Variants in SNTG1 observed in about 807,000 individuals in gnomAD.
The protein encoded by SNTG1 is gamma-1-syntrophin.
A neutral mutation model predicts 74.7 loss-of-function variants in SNTG1; 39 were observed. That is an observed-to-expected ratio of 0.52 (90% CI 0.40 to 0.68). SNTG1 has a LOEUF of 0.68. Among genes scored for constraint, SNTG1 ranks in the 30% least tolerant of loss-of-function variants. The pLI is 0.00. For missense variants in SNTG1, 685 were observed against 609.5 expected, an observed-to-expected ratio of 1.12 and a Z score of -1.30; for synonymous variants, 254 against 217.1, an observed-to-expected ratio of 1.17 and a Z score of -1.49.
At chr8:50,777,059 A>G (rs913100978) in intron 18 of SNTG1, among the ~76,000 whole-genome samples, 1 of 151,546 alleles carries the variant, frequency 6.6e-6, no homozygotes, top group African/African-American at 2.4e-5. Context: ...CTTGGCAAGG[A>G]TTTCTTTGAG....
intron 18 of SNTG1, among the ~76,000 whole-genome samples, chr8:50,777,427 A>G (rs2095644128): frequency 6.7e-6 from 1 of 149,976 alleles, no homozygotes; most frequent in South Asian, 2.1e-4. Flanking sequence ...TATTTCTGTT[A>G]TTATATTTAT....
At chr8:49,924,683 T>C (rs1358892604) in intron 1 of SNTG1, among the ~76,000 whole-genome samples, 1 of 151,976 alleles carries the variant, frequency 6.6e-6, no homozygotes, top group Non-Finnish European at 1.5e-5. Flanking sequence ...TTCATGATGA[T>C]ACTCCAAAAA....
intron 1 of SNTG1, chr8:50,011,642 C>CT (rs1815811230): frequency 6.6e-6 from 1 of 150,802 alleles, no homozygotes; most frequent in Non-Finnish European, 1.5e-5. Flanking sequence ...AAAAAAAGAT[C>CT]TTTTGAGCCT....
intron 15 of SNTG1, among the ~76,000 whole-genome samples, chr8:50,693,580 A>T (rs1185794365): frequency 6.6e-6 from 1 of 152,196 alleles, no homozygotes; most frequent in Non-Finnish European, 1.5e-5. Flanking sequence ...TAATAAGGAA[A>T]TACTGGATTT....
chr8:50,349,953 G>C (rs112252065), intron 2 of SNTG1, among the ~76,000 whole-genome samples: 1 of 152,204 alleles, frequency 6.6e-6, no homozygotes, highest in East Asian at 1.9e-4. Context: ...GCTGCACCGC[G>C]TGCTTATGGG....
intron 2 of SNTG1, among the ~76,000 whole-genome samples, chr8:50,202,033 G>A (rs758562111): frequency 1.9e-4 from 29 of 152,204 alleles, no homozygotes; most frequent in South Asian, 4.1e-4. Context: ...CTTATGTGCC[G>A]TTCTTTTTGC....
At position 50,038,915 on chromosome 8, in the gene SNTG1, A is replaced by G. The variant is rs948718363; in HGVS notation, c.-103+126684A>G. Among the ~76,000 whole-genome samples the G allele has an allele frequency of 2.6e-5, 4 of 152,194 alleles. No individual in the cohort carries two copies. The East Asian group carries it at 7.7e-4, about 29-fold the overall frequency. ...AATCAGGTGTTGGTGTGTGTTTCAC[A>G]TCAGCTGATCATGCCCCATCAGGTT... On this transcript the variant is annotated intron_variant, in intron 1 of 18. Transcript: ENST00000642720.
intron 2 of SNTG1, among the ~76,000 whole-genome samples, chr8:50,336,889 G>C (rs969597444): frequency 2.0e-5 from 3 of 152,150 alleles, no homozygotes; most frequent in African/African-American, 7.2e-5. Flanking sequence ...CCCATAGATT[G>C]TGGCCATTGA....
Position 50,402,335 on chromosome 8 carries a change from C to T in SNTG1, c.153C>T (p.Phe51=). ...QDVICVSGEP[F]YSGERTVTIR... is the part of the protein sequence containing the mutation. ...TGATATGTGTGTCTGGTGAGCCTTT[C>T]TATTCTGGTGTAAGTAGCTTTTTCT... Residue 51 remains phenylalanine, a synonymous_variant, in exon 4 of 19, where the codon TTC becomes TTT. Coordinates refer to ENST00000642720, the MANE Select transcript of SNTG1 (RefSeq NM_018967.5). The T allele has an allele frequency of 6.3e-7, 1 of 1,595,670 alleles. No homozygotes were observed. The highest frequency in any genetic ancestry group is 8.5e-7 in the Non-Finnish European group (1 of 1,175,534).
intron 8 of SNTG1, among the ~76,000 whole-genome samples, chr8:50,488,848 T>C (rs755091755): frequency 3.3e-5 from 5 of 152,218 alleles, no homozygotes; most frequent in Non-Finnish European, 5.9e-5. Flanking sequence ...TACATAAGTA[T>C]AAACGTGCCA....
At chr8:50,307,677 A>C (rs1046659878) in intron 2 of SNTG1, among the ~76,000 whole-genome samples, 1 of 151,950 alleles carries the variant, frequency 6.6e-6, no homozygotes, top group Non-Finnish European at 1.5e-5. Context: ...AATTTTCATC[A>C]ATTTATGGGC....
chr8:50,273,671 T>C lies in SNTG1; in HGVS notation c.-28+101036T>C, dbSNP rs568153393. Among the ~76,000 whole-genome samples the C allele has an allele frequency of 7.2e-5, 11 of 152,252 alleles. 1 individual carries two copies. The highest frequency in any genetic ancestry group is 2.4e-4 in the African/African-American group (10 of 41,538). ...GTGTAGGCCTCCTGGGGCTGGCATT[T>C]AAACAACAATTTAAAGAAAGAGATA... On this transcript the variant is annotated intron_variant, in intron 2 of 18. Transcript: ENST00000642720.
At chr8:50,492,745 T>A (rs2093869057) in intron 8 of SNTG1, among the ~76,000 whole-genome samples, 2 of 152,304 alleles carry the variant, frequency 1.3e-5, no homozygotes, top group East Asian at 1.9e-4. Context: ...TAATGAGACG[T>A]ATTTGTCAAT....
chr8:50,421,594 C>T (rs897054607), intron 4 of SNTG1, among the ~76,000 whole-genome samples: 1 of 152,230 alleles, frequency 6.6e-6, no homozygotes, highest in East Asian at 1.9e-4. Flanking sequence ...ATGCCTTAAC[C>T]TCCTAGTAGT....
At chr8:50,137,749 G>C (rs924671803) in intron 1 of SNTG1, among the ~76,000 whole-genome samples, 1 of 152,100 alleles carries the variant, frequency 6.6e-6, no homozygotes, top group Admixed American at 6.6e-5. Context: ...CCAGGCAGGA[G>C]GCAGCTTCCT....
intron 17 of SNTG1, among the ~76,000 whole-genome samples, chr8:50,721,026 A>C (rs992097100): frequency 6.6e-6 from 1 of 152,334 alleles, no homozygotes; most frequent in South Asian, 2.1e-4. Context: ...TGAGCTGGTA[A>C]GGAAATGAAT....
chr8:50,591,124 TTATC>T (rs1341970042), intron 13 of SNTG1, among the ~76,000 whole-genome samples: 10 of 152,244 alleles, frequency 6.6e-5, no homozygotes, highest in South Asian at 4.1e-4. Flanking sequence ...TTAAAAATGT[TTATC>T]TAAGTCAAAA....
rs1464661360 is a variant in SNTG1 at position 50,718,206 on chromosome 8, AG to A, written c.1284+9230del. 3.3e-5 allele frequency among the ~76,000 whole-genome samples: 5 copies of A among 152,222 alleles called. No individual in the cohort carries two copies. In the East Asian group the frequency reaches 5.8e-4, roughly 18 times the overall value. On this transcript the variant is annotated intron_variant, in intron 17 of 18. Coordinates refer to ENST00000642720, the MANE Select transcript of SNTG1 (RefSeq NM_018967.5). ...GGGTGTCTAAGTAGGCACACGGTGAAGGAAGATTGAAAGGCAAGTGTGAAAT... is the reference window on the plus strand; with the variant it reads ...GGGTGTCTAAGTAGGCACACGGTGAAGAAGATTGAAAGGCAAGTGTGAAAT...
chr8:50,117,737 C>A (rs2080870490), intron 1 of SNTG1, among the ~76,000 whole-genome samples: 1 of 152,086 alleles, frequency 6.6e-6, no homozygotes, highest in Non-Finnish European at 1.5e-5. Context: ...TCTCTGTTAC[C>A]ACTAGACTGT....
Sources: gnomAD v4.1 joint callset for allele counts (sites outside exome capture counted in the v4.1 genomes callset) on GRCh38, gnomAD v4.1.1 for gene constraint, MANE v1.5 for transcripts, NCBI Gene and HGNC (gene_info 2026-07-23, HGNC 2026-07-21) for gene names.